MAPK4: variants seen among roughly 807,000 people sequenced by gnomAD.
The protein encoded by MAPK4 is Erk3-related.
In MAPK4, 22 loss-of-function variants were observed where a neutral mutation model predicts 47.7. The ratio of observed to expected loss-of-function variants is 0.46; its 90% CI spans 0.33 to 0.66. The LOEUF (loss-of-function observed/expected upper bound fraction) is 0.66, where lower values mean the gene tolerates loss of function less well. Ranked by LOEUF, MAPK4 falls within the 30% of genes least tolerant of loss-of-function variation. The probability of loss-of-function intolerance (pLI) is 0.02; values close to 1 mark genes in which losing one functional copy is unlikely to be tolerated. For synonymous variants in MAPK4, 390 were observed against 365.7 expected, an observed-to-expected ratio of 1.07 and a Z score of -0.76; for missense variants, 736 against 831.7, an observed-to-expected ratio of 0.88 and a Z score of 1.42.
chr18:50,681,773 G>A (rs74322534), intron 2 of MAPK4, among the ~76,000 whole-genome samples: 2 of 151,968 alleles, frequency 1.3e-5, no homozygotes, highest in Non-Finnish European at 2.9e-5. Flanking sequence ...TGTATATATC[G>A]CTGTTATTCC....
At chr18:50,570,268 C>T (rs1003737044) in intron 1 of MAPK4, among the ~76,000 whole-genome samples, 3 of 152,174 alleles carry the variant, frequency 2.0e-5, no homozygotes, top group South Asian at 2.1e-4. Flanking sequence ...TGGACATAGC[C>T]ACATGTAGAT....
At chr18:50,646,016 C>G (rs1387492447) in intron 1 of MAPK4, among the ~76,000 whole-genome samples, 1 of 152,220 alleles carries the variant, frequency 6.6e-6, no homozygotes, top group South Asian at 2.1e-4. Context: ...ACTTTTCACA[C>G]TGACTTCATA....
At position 50,596,783 on chromosome 18, in the gene MAPK4, A is replaced by G. The variant is rs74878192; in HGVS notation, c.-871+36540A>G. On this transcript the variant is annotated intron_variant, in intron 1 of 5. Coordinates refer to ENST00000400384, the MANE Select transcript of MAPK4 (RefSeq NM_002747.4). ...ATTAGCCATAGATTCTGTAAATGAC[A>G]AGAGTGTGATGAGGCTGTTAAACAC... Among the ~76,000 whole-genome samples the G allele has an allele frequency of 2.9e-3, 443 of 152,352 alleles. 7 individuals carry two copies. In the East Asian group the frequency reaches 0.051, roughly 18 times the overall value.
intron 1 of MAPK4, among the ~76,000 whole-genome samples, chr18:50,601,516 C>T (rs529919334): frequency 7.2e-5 from 11 of 152,196 alleles, no homozygotes; most frequent in Admixed American, 1.3e-4. Flanking sequence ...CCTCCTTCCA[C>T]GGCTGCACCA....
At chr18:50,709,178 G>T (rs1910217806) in intron 2 of MAPK4, among the ~76,000 whole-genome samples, 1 of 152,040 alleles carries the variant, frequency 6.6e-6, no homozygotes, top group Admixed American at 6.6e-5. Context: ...GATTTCCACT[G>T]CTCCTCCACC....
intron 1 of MAPK4, among the ~76,000 whole-genome samples, chr18:50,661,408 TCAAA>T (rs2144243110): frequency 6.6e-6 from 1 of 152,330 alleles, no homozygotes; most frequent in East Asian, 1.9e-4. Flanking sequence ...CTGGGCATCC[TCAAA>T]CAGAGTGAAT....
chr18:50,573,190 A>G (rs949394780), intron 1 of MAPK4, among the ~76,000 whole-genome samples: 4 of 152,150 alleles, frequency 2.6e-5, no homozygotes, highest in African/African-American at 9.7e-5. Context: ...AAATAAGGAG[A>G]GAATTAAGAA....
rs144214486 is a variant in MAPK4, at chr18:50,606,512, C to T, written c.-871+46269C>T. Among the ~76,000 whole-genome samples, 1,198 of 152,286 alleles carry T rather than the reference C, an allele frequency of 7.9e-3. 8 individuals carry two copies. The highest frequency in any genetic ancestry group is 0.012 in the Non-Finnish European group (804 of 68,030). ...TCTATTGGTAGCCTGGGATGACTAA[C>T]GGTGGTCTTCAGTGCTATCTACCAA... On this transcript the variant is annotated intron_variant, in intron 1 of 5. Coordinates refer to ENST00000400384, the MANE Select transcript of MAPK4 (RefSeq NM_002747.4).
intron 2 of MAPK4, among the ~76,000 whole-genome samples, chr18:50,697,773 A>G (rs1427266341): frequency 1.3e-5 from 2 of 152,210 alleles, no homozygotes; most frequent in East Asian, 3.9e-4. Context: ...ATGCTCAGCC[A>G]TCTGGAGATA....
intron 4 of MAPK4, among the ~76,000 whole-genome samples, chr18:50,722,541 A>G (rs1300535459): frequency 6.6e-6 from 1 of 151,858 alleles, no homozygotes; most frequent in Non-Finnish European, 1.5e-5. Flanking sequence ...CCTCTACTGT[A>G]TATTCAAGGC....
At chr18:50,584,243 G>A (rs2042370407) in intron 1 of MAPK4, among the ~76,000 whole-genome samples, 1 of 152,136 alleles carries the variant, frequency 6.6e-6, no homozygotes, top group Non-Finnish European at 1.5e-5. Context: ...AGCCCTTTAT[G>A]TCTCTTCTCT....
intron 1 of MAPK4, among the ~76,000 whole-genome samples, chr18:50,637,243 G>A (rs969354067): frequency 1.3e-5 from 2 of 152,254 alleles, no homozygotes; most frequent in African/African-American, 4.8e-5. Flanking sequence ...AACTTTTATT[G>A]AGCGCATAGC....
intron 1 of MAPK4, among the ~76,000 whole-genome samples, chr18:50,564,183 C>G (rs1003170344): frequency 2.6e-5 from 4 of 151,482 alleles, no homozygotes. Flanking sequence ...CAGCTTGGCC[C>G]TCATACATTC....
chr18:50,647,851 C>T (rs2043004907), intron 1 of MAPK4, among the ~76,000 whole-genome samples: 1 of 152,064 alleles, frequency 6.6e-6, no homozygotes, highest in Admixed American at 6.6e-5. Flanking sequence ...CCATGATTCC[C>T]CCAGCAAATC....
At chr18:50,677,355 T>C (rs8097233) in intron 2 of MAPK4, among the ~76,000 whole-genome samples, 106,735 of 152,088 alleles carry the variant, frequency 0.7, 40,431 homozygotes, top group Non-Finnish European at 0.85. Flanking sequence ...TTCATGGTTT[T>C]ATCACAGTAA....
chr18:50,671,092 C>T (rs1907925216), intron 2 of MAPK4, among the ~76,000 whole-genome samples: 1 of 152,208 alleles, frequency 6.6e-6, no homozygotes, highest in Non-Finnish European at 1.5e-5. Context: ...CCAGAGAACA[C>T]AGGTGTGTCT....
intron 1 of MAPK4, among the ~76,000 whole-genome samples, chr18:50,603,078 T>A (rs1174324867): frequency 2.6e-5 from 4 of 152,112 alleles, no homozygotes; most frequent in African/African-American, 9.7e-5. Context: ...AGGGGCTGCA[T>A]CACCCTCCAC....
chr18:50,711,386 G>C (rs1910352207), intron 2 of MAPK4, among the ~76,000 whole-genome samples: 1 of 152,238 alleles, frequency 6.6e-6, no homozygotes, highest in African/African-American at 2.4e-5. Flanking sequence ...GTGGGCACAA[G>C]GTGGCAGGAG....
intron 1 of MAPK4, among the ~76,000 whole-genome samples, chr18:50,593,590 G>A (rs2042456692): frequency 1.3e-5 from 2 of 152,170 alleles, no homozygotes; most frequent in Non-Finnish European, 2.9e-5. Flanking sequence ...TGTAGTGTGA[G>A]CTCCATAAAG....
Sources: gnomAD v4.1 joint callset for allele counts (sites outside exome capture counted in the v4.1 genomes callset) on GRCh38, gnomAD v4.1.1 for gene constraint, MANE v1.5 for transcripts, NCBI Gene and HGNC (gene_info 2026-07-23, HGNC 2026-07-21) for gene names.